UTP20: variants seen among roughly 807,000 people sequenced by gnomAD.
UTP20 encodes UTP20 small subunit processome component.
UTP20 carries 164 observed loss-of-function variants against 329.5 expected under a neutral mutation model. That is an observed-to-expected ratio of 0.50 (90% confidence interval 0.44 to 0.57). The LOEUF (loss-of-function observed/expected upper bound fraction) is 0.57, where lower values mean the gene tolerates loss of function less well. UTP20 is among the 20% of genes least tolerant of loss of function. UTP20 has a pLI of 0.00. For synonymous variants in UTP20, 1,151 were observed against 1,159.3 expected (o/e 0.99, Z 0.14); for missense variants, 3,055 against 3,284.2 (o/e 0.93, Z 1.71).
intron 56 of UTP20, among the ~76,000 whole-genome samples, chr12:101,377,635 CT>C (rs1349992981): frequency 1.3e-5 from 2 of 151,846 alleles, no homozygotes; most frequent in Non-Finnish European, 2.9e-5. Flanking sequence ...CAGCCTAAAA[CT>C]TTTTTTTCTT....
chr12:101,359,083 T>C (rs1156670141), intron 43 of UTP20, among the ~76,000 whole-genome samples: 5 of 152,212 alleles, frequency 3.3e-5, no homozygotes, highest in Non-Finnish European at 7.3e-5. Context: ...CTTTTGTTTC[T>C]GGAGACAGAG....
intron 61 of UTP20, 36 bp from the exon 62 acceptor site, chr12:101,385,932 T>C (rs1870811780): frequency 6.7e-6 from 10 of 1,503,418 alleles, no homozygotes; most frequent in African/African-American, 1.4e-5. Context: ...AACATTTACT[T>C]TAAAAGTAAT....
chr12:101,335,748 C>CAGAA (rs1309546170), intron 29 of UTP20, among the ~76,000 whole-genome samples: 7 of 152,070 alleles, frequency 4.6e-5, no homozygotes, highest in Admixed American at 1.3e-4. Context: ...AACATTTCTT[C>CAGAA]ATGTTACTAG....
rs1343003202 is a variant in UTP20, at chr12:101,320,905, G to A, written c.2883G>A (p.Met961Ile). 2.5e-6 allele frequency: 4 copies of A among 1,611,226 alleles called. No individual in the cohort carries two copies. In the African/African-American group the frequency reaches 4.0e-5, roughly 16 times the overall value. ...MVQKITLDCI[M>I]TYKHPHVLPY... Reference sequence around the variant, plus strand: ...AAAAAATAACCTTGGATTGCATAATGACATATAAACATCCTCATGTCCTCC... The same window carrying A: ...AAAAAATAACCTTGGATTGCATAATAACATATAAACATCCTCATGTCCTCC... Residue 961 changes from methionine to isoleucine, a missense_variant, in exon 24 of 62, where the codon ATG becomes ATA. This residue lies in a region of UTP20 where 2,445 missense variants were observed against 2,575.5 expected (regional missense o/e 0.95). Transcript: ENST00000261637.
At chr12:101,326,864 C>T (rs1385636300) in intron 25 of UTP20, 3 of 358,706 alleles carry the variant, frequency 8.4e-6, no homozygotes, top group East Asian at 5.2e-5. Context: ...GCTGGGACTA[C>T]AGGCACGTAG....
At position 101,383,027 on chromosome 12, in the gene UTP20, G is replaced by A. The variant is rs758560382; in HGVS notation, c.7657-14G>A. The A allele has an allele frequency of 6.4e-6, 10 of 1,558,186 alleles. No individual in the cohort carries two copies. In the East Asian group the frequency reaches 6.8e-5, roughly 11 times the overall value. ...AATGTCCAATTTCTTCCCCCACCCC[G>A]TTTTTTTTTAAAGGTTGTTAAGAAT... On this transcript the variant is annotated splice_polypyrimidine_tract_variant and intron_variant, in intron 58 of 61. Coordinates refer to ENST00000261637, the MANE Select transcript of UTP20 (RefSeq NM_014503.3).
At chr12:101,327,315 A>G in intron 26 of UTP20, 68 bp downstream of exon 26, 1 of 1,394,806 alleles carries the variant, frequency 7.2e-7, no homozygotes. Flanking sequence ...CTCAGGCTAC[A>G]TTTCCCATGC....
chr12:101,301,428 G>A (rs1593423217), intron 14 of UTP20, among the ~76,000 whole-genome samples: 1 of 152,180 alleles, frequency 6.6e-6, no homozygotes, highest in Admixed American at 6.5e-5. Context: ...AGCACTTTGC[G>A]AGGCCGAAGT....
At chr12:101,385,760 C>T (rs1305365730) in intron 61 of UTP20, 32 bp downstream of exon 61, 1 of 1,598,616 alleles carries the variant, frequency 6.3e-7, no homozygotes, top group Non-Finnish European at 8.5e-7. Context: ...ATGGCATGTT[C>T]ACTGGACTTG....
rs1024283589 is a variant in UTP20 at position 101,373,405 on chromosome 12, G to A, written c.6883G>A (p.Glu2295Lys). Residue 2295 changes from glutamate to lysine, a missense_variant, in exon 53 of 62, where the codon GAA becomes AAA. Around this residue, in one of 3 missense-constraint regions of UTP20, gnomAD observed 273 missense variants for 363.1 expected, o/e 0.75. Transcript: ENST00000261637. ...LEFMLAQLNY[E>K]HETGRESTLE... is the part of the protein sequence containing the mutation. ...CACCTAATGTCCTTCCCCTAGTTAC[G>A]AACATGAGACCGGGAGAGAGTCCAC... 9.9e-6 allele frequency: 16 copies of A among 1,613,696 alleles called. No homozygotes were observed. Among genetic ancestry groups the A allele is most frequent in the Middle Eastern group, 1.6e-4 (1 of 6,082 alleles).
intron 14 of UTP20, 97 bp from the exon 15 acceptor site, chr12:101,302,351 T>G: frequency 2.8e-6 from 2 of 708,324 alleles, no homozygotes; most frequent in African/African-American, 1.9e-5. Context: ...CTTTAAGAAC[T>G]TCCCATAAGT....
At chr12:101,291,623 T>C in intron 8 of UTP20, 119 bp from the exon 9 acceptor site, 1 of 1,038,450 alleles carries the variant, frequency 9.6e-7, no homozygotes, top group South Asian at 2.4e-5. Context: ...CTGGTAAATG[T>C]ATCTTTTTCT....
intron 2 of UTP20, among the ~76,000 whole-genome samples, chr12:101,283,584 G>A (rs561428606): frequency 4.6e-5 from 7 of 152,296 alleles, no homozygotes; most frequent in South Asian, 2.1e-4. Flanking sequence ...GCTGACATAC[G>A]CCAGGTCTGT....
At chr12:101,348,428 A>G (rs964538731) in intron 38 of UTP20, among the ~76,000 whole-genome samples, 2 of 151,502 alleles carry the variant, frequency 1.3e-5, no homozygotes. Context: ...TTATTGAGGG[A>G]TTTTTGCCAT....
intron 25 of UTP20, among the ~76,000 whole-genome samples, chr12:101,325,099 C>T (rs766207048): frequency 6.6e-6 from 1 of 152,160 alleles, no homozygotes; most frequent in African/African-American, 2.4e-5. Context: ...TGTTAGTCCC[C>T]TGTTTACAAA....
At chr12:101,335,020 G>A (rs1394978657) in intron 29 of UTP20, among the ~76,000 whole-genome samples, 3 of 151,916 alleles carry the variant, frequency 2.0e-5, no homozygotes, top group Admixed American at 6.6e-5. Context: ...TATATATAGT[G>A]TGATCCAGGA....
chr12:101,359,020 T>G (rs1446162495), intron 43 of UTP20, among the ~76,000 whole-genome samples: 3 of 152,192 alleles, frequency 2.0e-5, no homozygotes, highest in Non-Finnish European at 4.4e-5. Context: ...CTGAGCTTCT[T>G]GACCAAATTT....
At position 101,334,469 on chromosome 12, in the gene UTP20, GCTGAAACTGATCAGTAT is replaced by G. The variant is rs1237191950; in HGVS notation, c.3610_3626del (p.Lys1204GlufsTer12). 1 of 1,611,830 alleles carries G rather than the reference GCTGAAACTGATCAGTAT, an allele frequency of 6.2e-7. No homozygotes were observed. The highest frequency in any genetic ancestry group is 1.3e-5 in the African/African-American group (1 of 74,872). On this transcript the variant is annotated frameshift_variant, in exon 29 of 62. Coordinates refer to ENST00000261637, the MANE Select transcript of UTP20 (RefSeq NM_014503.3). LOFTEE classifies it high-confidence loss of function. ...AGAGTCAATATTCTCCTACTCCTCTGCTGAAACTGATCAGTATCTGGAGCAGAAACGCAAGGTATAAC... is the reference window on the plus strand; with the variant it reads ...AGAGTCAATATTCTCCTACTCCTCTGCTGGAGCAGAAACGCAAGGTATAAC...
At chr12:101,344,355 A>G (rs1376497502) in intron 35 of UTP20, among the ~76,000 whole-genome samples, 1 of 152,224 alleles carries the variant, frequency 6.6e-6, no homozygotes, top group African/African-American at 2.4e-5. Context: ...GACATTTCAT[A>G]GTGCTGCCTG....
Sources: gnomAD v4.1 joint callset for allele counts (sites outside exome capture counted in the v4.1 genomes callset) on GRCh38, gnomAD v4.1.1 for gene constraint, gnomAD v4.1.1 regional missense constraint, MANE v1.5 for transcripts, NCBI Gene and HGNC (gene_info 2026-07-23, HGNC 2026-07-21) for gene names.